Variants in SLC12A7 observed in about 807,000 individuals in gnomAD.
SLC12A7 encodes the protein solute carrier family 12 member 7.
A neutral mutation model predicts 120.6 loss-of-function variants in SLC12A7; 100 were observed. The ratio of observed to expected loss-of-function variants is 0.83; its 90% CI spans 0.71 to 0.98. The LOEUF (loss-of-function observed/expected upper bound fraction) is 0.98. Ranked by LOEUF, SLC12A7 falls within the 50% of genes least tolerant of loss-of-function variation. SLC12A7 has a pLI of 0.00. For missense variants in SLC12A7, 1,373 were observed against 1,548.1 expected, an observed-to-expected ratio of 0.89 and a Z score of 1.90; for synonymous variants, 760 against 678.0, an observed-to-expected ratio of 1.12 and a Z score of -1.88.
At chr5:1,137,046 C>T in the SLC12A7 span, among the ~76,000 whole-genome samples, 3 of 152,142 alleles carry the variant, frequency 2.0e-5, no homozygotes, top group African/African-American at 7.2e-5. Context: ...CACACTCCAA[C>T]ACCAGGACAC....
At chr5:1,064,361 T>C in intron 18 of SLC12A7, 109 bp from the exon 19 acceptor site, 1 of 1,283,754 alleles carries the variant, frequency 7.8e-7, no homozygotes, top group Non-Finnish European at 1.0e-6. Flanking sequence ...GCGAGGGGGG[T>C]CCCCACAAAG....
At chr5:1,088,906 C>A in intron 4 of SLC12A7, 76 bp downstream of exon 4, 1 of 1,567,538 alleles carries the variant, frequency 6.4e-7, no homozygotes, top group South Asian at 1.1e-5. Context: ...CCAGGGGAGA[C>A]GGCATCTGGG....
At chr5:1,095,142 C>A (rs1403649801) in intron 1 of SLC12A7, among the ~76,000 whole-genome samples, 1 of 149,084 alleles carries the variant, frequency 6.7e-6, no homozygotes, top group Non-Finnish European at 1.5e-5. Flanking sequence ...AGAGCTGTCG[C>A]CCTCCCACCC....
chr5:1,120,966 G>A, the SLC12A7 span, among the ~76,000 whole-genome samples: 1 of 152,222 alleles, frequency 6.6e-6, no homozygotes, highest in African/African-American at 2.4e-5. Flanking sequence ...GATTTAAGAT[G>A]TGTGCTGCTC....
At chr5:1,053,610 G>A (rs766134751) in intron 22 of SLC12A7, 128 bp from the exon 23 acceptor site, 26 of 1,238,624 alleles carry the variant, frequency 2.1e-5, no homozygotes, top group South Asian at 1.5e-4. Context: ...AGGATCAGGC[G>A]GATTCTCTGA....
At chr5:1,150,573 A>T in the SLC12A7 span, among the ~76,000 whole-genome samples, 1 of 152,380 alleles carries the variant, frequency 6.6e-6, no homozygotes, top group South Asian at 2.1e-4. Flanking sequence ...CCTCCAGTGG[A>T]AAAAGAAGCC....
At chr5:1,058,455 T>C (rs1222802388) in intron 21 of SLC12A7, among the ~76,000 whole-genome samples, 1 of 152,172 alleles carries the variant, frequency 6.6e-6, no homozygotes, top group Admixed American at 6.5e-5. Flanking sequence ...AATGGCCACC[T>C]CTCCCACTGT....
At chr5:1,128,331 G>C in the SLC12A7 span, among the ~76,000 whole-genome samples, 2 of 152,230 alleles carry the variant, frequency 1.3e-5, no homozygotes, top group African/African-American at 4.8e-5. Context: ...GGAGCAGTCA[G>C]GCCCAGTGGA....
chr5:1,140,724 C>T, the SLC12A7 span, among the ~76,000 whole-genome samples: 5 of 152,240 alleles, frequency 3.3e-5, no homozygotes, highest in Non-Finnish European at 7.3e-5. Flanking sequence ...CCCAGGGCCC[C>T]GGGGAGGGCT....
upstream of SLC12A7, among the ~76,000 whole-genome samples, chr5:1,112,356 C>A (rs1351549865): frequency 3.9e-5 from 2 of 51,592 alleles, no homozygotes; most frequent in Non-Finnish European, 1.0e-4. Context: ...CCCCGGCCCC[C>A]TCCCCGCCTC....
At chr5:1,068,941 AGCAG>A (rs1737344352) in intron 17 of SLC12A7, among the ~76,000 whole-genome samples, 3 of 152,264 alleles carry the variant, frequency 2.0e-5, no homozygotes, top group African/African-American at 7.2e-5. Context: ...AATCCACGCC[AGCAG>A]GGCAGTTCCA....
chr5:1,074,903 C>T (rs1435771390), intron 15 of SLC12A7, among the ~76,000 whole-genome samples: 1 of 152,130 alleles, frequency 6.6e-6, no homozygotes, highest in Non-Finnish European at 1.5e-5. Flanking sequence ...CTACGTCCAG[C>T]ATGCGTGAGG....
chr5:1,052,906 G>T (rs113222457), intron 23 of SLC12A7, among the ~76,000 whole-genome samples: 1 of 152,224 alleles, frequency 6.6e-6, no homozygotes, highest in African/African-American at 2.4e-5. Context: ...GATGCACTGC[G>T]GAGTTCTCCT....
intron 10 of SLC12A7, 39 bp downstream of exon 10, chr5:1,079,359 C>T: frequency 6.6e-7 from 1 of 1,524,056 alleles, no homozygotes; most frequent in Non-Finnish European, 9.1e-7. Context: ...TCCCCCCAGG[C>T]AGAGGCTGGA....
intron 1 of SLC12A7, among the ~76,000 whole-genome samples, chr5:1,102,020 G>T (rs1444683476): frequency 6.6e-6 from 1 of 152,166 alleles, no homozygotes; most frequent in Non-Finnish European, 1.5e-5. Context: ...TAGTTTTCCA[G>T]ACACCTTATC....
intron 1 of SLC12A7, among the ~76,000 whole-genome samples, chr5:1,100,982 G>A (rs930060696): frequency 1.3e-5 from 2 of 152,128 alleles, no homozygotes; most frequent in Admixed American, 6.5e-5. Flanking sequence ...AGCCCTCGAC[G>A]AGCTGAGCCC....
At chr5:1,116,832 C>T (rs1226320293), upstream of SLC12A7, among the ~76,000 whole-genome samples, 2 of 151,990 alleles carry the variant, frequency 1.3e-5, no homozygotes, top group Non-Finnish European at 2.9e-5. Flanking sequence ...CAGGTGACTT[C>T]TTTCCCGTGA....
intron 1 of SLC12A7, 26 bp downstream of exon 1, chr5:1,111,842 G>C (rs1054928942): frequency 8.3e-7 from 1 of 1,201,994 alleles, no homozygotes; most frequent in Admixed American, 4.4e-5. Flanking sequence ...CTCGGCCTTT[G>C]TCCGGCCAGG....
chr5:1,101,539 CCCT>C (rs1742016169), intron 1 of SLC12A7, among the ~76,000 whole-genome samples: 1 of 152,236 alleles, frequency 6.6e-6, no homozygotes. Context: ...ACCAATGCTG[CCCT>C]CCTCCTCAGC....
Sources: allele counts gnomAD v4.1 joint callset (sites outside exome capture counted in the v4.1 genomes callset), GRCh38; gene constraint gnomAD v4.1.1; transcripts MANE v1.5; gene names NCBI Gene and HGNC (gene_info 2026-07-23, HGNC 2026-07-21).